The following DAB2IP variants were observed in gnomAD, a reference collection of about 807,000 sequenced individuals.
The protein encoded by DAB2IP is disabled homolog 2-interacting protein.
Under a neutral mutation model 107.2 loss-of-function variants are expected in DAB2IP, and 28 were observed. The observed-to-expected ratio is 0.26, with a 90% confidence interval of 0.19 to 0.36. DAB2IP has a LOEUF of 0.36. Ranked by LOEUF, DAB2IP falls within the 10% of genes least tolerant of loss-of-function variation. The pLI is 1.00. For synonymous variants in DAB2IP, 755 were observed against 706.4 expected (o/e 1.07, Z -1.09); for missense variants, 1,400 against 1,644.7 (o/e 0.85, Z 2.57).
At chr9:121,637,505 C>G (rs540706046) in intron 1 of DAB2IP, among the ~76,000 whole-genome samples, 1 of 152,304 alleles carries the variant, frequency 6.6e-6, no homozygotes, top group South Asian at 2.1e-4. Context: ...GTCTCCCCTG[C>G]TGTAAAACTG....
At chr9:121,601,012 C>T (rs573784798) in intron 1 of DAB2IP, among the ~76,000 whole-genome samples, 1 of 152,298 alleles carries the variant, frequency 6.6e-6, no homozygotes, top group African/African-American at 2.4e-5. Flanking sequence ...CTTAATCAGC[C>T]CTTTTGAGAA....
chr9:121,722,150 G>T (rs1408980805), intron 3 of DAB2IP, among the ~76,000 whole-genome samples: 5 of 152,338 alleles, frequency 3.3e-5, no homozygotes, highest in African/African-American at 1.2e-4. Context: ...GAAAGCTATG[G>T]AATGGGGGCT....
At chr9:121,719,677 C>T (rs1830815173) in intron 3 of DAB2IP, among the ~76,000 whole-genome samples, 1 of 152,182 alleles carries the variant, frequency 6.6e-6, no homozygotes, top group Non-Finnish European at 1.5e-5. Context: ...ATAAGCATCC[C>T]TTTGTGCCAG....
rs1165661756 is a variant in DAB2IP, at chr9:121,662,858, A to G, written c.124+10959A>G. 5.3e-5 allele frequency among the ~76,000 whole-genome samples: 8 copies of G among 152,232 alleles called. No homozygotes were observed. The highest frequency in any genetic ancestry group is 1.9e-4 in the African/African-American group (8 of 41,464). ...CCTCCTTAGTTTCCTGAACTCCAGC[A>G]GCACAGAGTAAATGCCAGCTCTCTG... On this transcript the variant is annotated intron_variant, in intron 1 of 15. Transcript: ENST00000408936. The surrounding 1 kb of genome is among the most constrained non-coding windows in gnomAD (Gnocchi z 4.6).
At chr9:121,661,492 GC>G (rs1405428169) in intron 1 of DAB2IP, among the ~76,000 whole-genome samples, 2 of 152,044 alleles carry the variant, frequency 1.3e-5, no homozygotes, top group African/African-American at 4.8e-5. Flanking sequence ...CCAGGCTGTG[GC>G]CCCCCTCCCC....
rs918181221 is a variant in DAB2IP, at chr9:121,631,841, A to T, written c.41-46837A>T. Among the ~76,000 whole-genome samples the T allele has an allele frequency of 8.9e-5, 13 of 145,290 alleles. No homozygotes were observed. The East Asian group carries it at 2.1e-3, about 23-fold the overall frequency. ...AAAAAAAAAAAAAAAAAAAAAAAAGAAGCTTGCACTCTGCTGTTGGCCCAG... is the reference window on the plus strand; with the variant it reads ...AAAAAAAAAAAAAAAAAAAAAAAAGTAGCTTGCACTCTGCTGTTGGCCCAG... On this transcript the variant is annotated intron_variant, in intron 1 of 16. Transcript: ENST00000259371.
exon 10 of DAB2IP, chr9:121,768,470 A>G (rs766187734): frequency 1.3e-5 from 21 of 1,614,080 alleles, no homozygotes; most frequent in Admixed American, 1.2e-4. Context: ...TTCATGAACC[A>G]GTTCCTAGAG....
intron 1 of DAB2IP, among the ~76,000 whole-genome samples, chr9:121,659,789 G>A (rs563470261): frequency 9.2e-5 from 14 of 151,964 alleles, no homozygotes; most frequent in Admixed American, 3.9e-4. Context: ...GCGAGATTCC[G>A]TCTCAAAAAA....
rs975184009 is a variant in DAB2IP at position 121,651,988 on chromosome 9, C to T, written c.124+89C>T. On this transcript the variant is annotated intron_variant, in intron 1 of 15. Coordinates refer to ENST00000408936, the Ensembl canonical transcript of DAB2IP. The surrounding 1 kb of genome is among the most constrained non-coding windows in gnomAD (Gnocchi z 5.1). ...TGGGATGCTAGGGACCGGGATCCTC[C>T]TTCCAGCCATTTGCCGGGGGTTTCC... 5 of 1,142,862 alleles carry T rather than the reference C, an allele frequency of 4.4e-6. No homozygotes were observed. The African/African-American group carries it at 6.4e-5, about 15-fold the overall frequency. 70.8% of individuals were successfully genotyped at this position (1,142,862 alleles called of 1,614,324 possible).
intron 1 of DAB2IP, among the ~76,000 whole-genome samples, chr9:121,640,475 G>A (rs1218463991): frequency 6.6e-6 from 1 of 152,132 alleles, no homozygotes; most frequent in Non-Finnish European, 1.5e-5. Flanking sequence ...AGAGGCTGCA[G>A]GGGAAGAGGA....
chr9:121,625,756 C>T (rs1831622988), intron 1 of DAB2IP, among the ~76,000 whole-genome samples: 1 of 151,664 alleles, frequency 6.6e-6, no homozygotes, highest in Non-Finnish European at 1.5e-5. Flanking sequence ...TGGCCTTCAG[C>T]CCTATTTGCT....
chr9:121,667,959 A>G (rs1338684642), intron 1 of DAB2IP, among the ~76,000 whole-genome samples: 1 of 152,146 alleles, frequency 6.6e-6, no homozygotes, highest in Non-Finnish European at 1.5e-5. Flanking sequence ...CACTTCTTAC[A>G]TGGTGGTGGA....
chr9:121,583,236 A>G (rs1830241063), intron 1 of DAB2IP, among the ~76,000 whole-genome samples: 2 of 152,156 alleles, frequency 1.3e-5, no homozygotes, highest in African/African-American at 4.8e-5. Context: ...AAAATACAAA[A>G]AAATTAGTCG....
At chr9:121,667,805 C>T (rs984282641) in intron 1 of DAB2IP, among the ~76,000 whole-genome samples, 2 of 152,182 alleles carry the variant, frequency 1.3e-5, no homozygotes, top group African/African-American at 4.8e-5. Flanking sequence ...GCCAGATCCA[C>T]TTTTTCTAAC....
chr9:121,747,309 C>T (rs1832781950), intron 3 of DAB2IP, among the ~76,000 whole-genome samples: 1 of 151,834 alleles, frequency 6.6e-6, no homozygotes, highest in Non-Finnish European at 1.5e-5. Context: ...GATTTGCCCA[C>T]CACTCACCCT....
intron 3 of DAB2IP, among the ~76,000 whole-genome samples, chr9:121,755,822 C>A (rs1833438502): frequency 6.6e-6 from 1 of 152,174 alleles, no homozygotes; most frequent in Admixed American, 6.5e-5. Flanking sequence ...TGTCTGGTGG[C>A]TCTGCCAAGC....
intron 1 of DAB2IP, among the ~76,000 whole-genome samples, chr9:121,668,541 T>C (rs1034406084): frequency 1.3e-5 from 2 of 151,962 alleles, no homozygotes; most frequent in Non-Finnish European, 2.9e-5. Flanking sequence ...ACCCAGGCTG[T>C]TGTGGATTTT....
At chr9:121,781,323 T>C (rs1588024128) in intron 14 of DAB2IP, 141 bp from the exon 15 acceptor site, 3 of 742,520 alleles carry the variant, frequency 4.0e-6, no homozygotes, top group Non-Finnish European at 4.5e-6. Context: ...CCCAGGCAAG[T>C]ATGGGAGGCA....
chr9:121,703,673 C>T (rs1412476063), intron 3 of DAB2IP, among the ~76,000 whole-genome samples: 1 of 152,170 alleles, frequency 6.6e-6, no homozygotes, highest in African/African-American at 2.4e-5. Flanking sequence ...GGGTCTTGCA[C>T]ATTTCTTAAA....
Sources: gnomAD v4.1 joint callset for allele counts (sites outside exome capture counted in the v4.1 genomes callset) on GRCh38, gnomAD v4.1.1 for gene constraint, Gnocchi (gnomAD v3.1) non-coding constraint, MANE v1.5 for transcripts, NCBI Gene and HGNC (gene_info 2026-07-23, HGNC 2026-07-21) for gene names.